The following HRH1 variants were observed in gnomAD, a reference collection of about 807,000 sequenced individuals.
HRH1 encodes histamine H1 receptor.
Under a neutral mutation model 10.3 loss-of-function variants are expected in HRH1, and 6 were observed. That is an observed-to-expected ratio of 0.58 (90% CI 0.32 to 1.15). HRH1 has a LOEUF of 1.15. Ranked by LOEUF, HRH1 falls within the 50% of genes most tolerant of loss-of-function variation. The pLI is 0.05. For missense variants in HRH1, 514 were observed against 615.3 expected (o/e 0.84, Z 1.74); for synonymous variants, 242 against 236.7 (o/e 1.02, Z -0.21).
In HRH1 at chr3:11,138,181, T is replaced by TA. The variant is rs11444304; in HGVS notation, c.-36+782_-36+783insA. 1.9e-4 allele frequency among the ~76,000 whole-genome samples: 3 copies of TA among 16,020 alleles called. No homozygotes were observed. The African/African-American group carries it at 3.1e-3, about 16-fold the overall frequency. The allele number at this position is 16,020 out of a possible 152,430, so 10.5% of individuals were successfully genotyped here. On this transcript the variant is annotated intron_variant, in intron 1 of 1. Transcript: ENST00000438284. Reference sequence around the variant, plus strand: ...CAGGCGCCCGCACCACGTTTGGCTATTTTTTTTTTTTTTTGTATTTTTAGT... The same window carrying TA: ...CAGGCGCCCGCACCACGTTTGGCTATATTTTTTTTTTTTTTGTATTTTTAGT...
At chr3:11,195,349 C>A (rs1937621468) in intron 1 of HRH1, among the ~76,000 whole-genome samples, 1 of 152,182 alleles carries the variant, frequency 6.6e-6, no homozygotes, top group South Asian at 2.1e-4. Context: ...GAGGAGAAAC[C>A]ATAAACAGCT....
At chr3:11,138,963 C>G (rs1936238582) in intron 1 of HRH1, among the ~76,000 whole-genome samples, 1 of 150,798 alleles carries the variant, frequency 6.6e-6, no homozygotes, top group South Asian at 2.1e-4. Flanking sequence ...ATGTGAGCCA[C>G]TGTGCCTGGC....
At chr3:11,190,367 T>A (rs942192293) in intron 1 of HRH1, among the ~76,000 whole-genome samples, 226 of 149,644 alleles carry the variant, frequency 1.5e-3, no homozygotes, top group Middle Eastern at 0.01. Context: ...ATATATATAT[T>A]TTTTAATTAA....
At chr3:11,218,580 A>G (rs1156537652) in intron 1 of HRH1, among the ~76,000 whole-genome samples, 1 of 151,942 alleles carries the variant, frequency 6.6e-6, no homozygotes, top group Non-Finnish European at 1.5e-5. Flanking sequence ...TTTCTCATTT[A>G]TTTATTTATT....
intron 1 of HRH1, among the ~76,000 whole-genome samples, chr3:11,157,609 C>T (rs1233419571): frequency 6.6e-6 from 1 of 152,204 alleles, no homozygotes; most frequent in Non-Finnish European, 1.5e-5. Context: ...CTGATGCTGT[C>T]GGAGGGGGGG....
intron 1 of HRH1, among the ~76,000 whole-genome samples, chr3:11,194,844 C>T (rs1476058731): frequency 6.6e-6 from 1 of 152,170 alleles, no homozygotes; most frequent in African/African-American, 2.4e-5. Flanking sequence ...AAAGTCAGCT[C>T]AGTTTTTAAT....
intron 1 of HRH1, among the ~76,000 whole-genome samples, chr3:11,244,107 A>G (rs755919080): frequency 3.3e-5 from 5 of 152,238 alleles, no homozygotes; most frequent in Non-Finnish European, 7.3e-5. Flanking sequence ...CAGGGACCTC[A>G]AGTCTGTCCC....
upstream of HRH1, chr3:11,154,393 C>T (rs1357775802): frequency 6.6e-6 from 1 of 151,192 alleles, no homozygotes; most frequent in Non-Finnish European, 1.5e-5. This position sits in a 1 kb window ranked among gnomAD's most constrained non-coding sequence, Gnocchi z 4.4. Context: ...GCCCGGGTCC[C>T]CGCCTTCCCC....
Position 11,138,385 on chromosome 3 carries a change from A to G in HRH1, c.-36+986A>G, listed in dbSNP as rs115499403. ...AAAACAACCCAGCCAAAAAATGGGT[A>G]AAGGACTTGAACAGACATTTCTCCA... On this transcript the variant is annotated intron_variant, in intron 1 of 1. Coordinates refer to the HRH1 transcript ENST00000438284. Among the ~76,000 whole-genome samples the G allele has an allele frequency of 6.3e-3, 965 of 152,230 alleles. 7 individuals carry two copies. The highest frequency in any genetic ancestry group is 0.014 in the Middle Eastern group (4 of 294).
chr3:11,218,501 G>A (rs1379200478), intron 1 of HRH1, among the ~76,000 whole-genome samples: 1 of 151,966 alleles, frequency 6.6e-6, no homozygotes, highest in South Asian at 2.1e-4. Flanking sequence ...TTAAAAGTCA[G>A]GACAGTGGTT....
chr3:11,176,466 C>CGTGGG (rs1467651051), intron 1 of HRH1, among the ~76,000 whole-genome samples: 12 of 152,086 alleles, frequency 7.9e-5, no homozygotes, highest in African/African-American at 2.9e-4. Context: ...CCTAGGCTAA[C>CGTGGG]GTGGGGTGGG....
chr3:11,165,125 A>T (rs1937005729), intron 1 of HRH1, among the ~76,000 whole-genome samples: 1 of 152,240 alleles, frequency 6.6e-6, no homozygotes, highest in African/African-American at 2.4e-5. Context: ...AGAGAGGCTA[A>T]GTGACTCGCA....
chr3:11,242,509 A>AAAAT (rs1559283215), intron 1 of HRH1, among the ~76,000 whole-genome samples: 1 of 120,768 alleles, frequency 8.3e-6, no homozygotes, highest in African/African-American at 3.3e-5. Context: ...AAAAAAAAAA[A>AAAAT]GCTGTAACAC....
intron 1 of HRH1, among the ~76,000 whole-genome samples, chr3:11,144,343 A>ATGTGTG (rs1395635818): frequency 4.8e-5 from 2 of 41,558 alleles, no homozygotes; most frequent in African/African-American, 3.1e-4. Context: ...TGTGATATGT[A>ATGTGTG]TATGTGTGTG....
chr3:11,199,731 C>CT (rs1332710132), intron 1 of HRH1, among the ~76,000 whole-genome samples: 1 of 152,184 alleles, frequency 6.6e-6, no homozygotes, highest in African/African-American at 2.4e-5. Context: ...GTTGATGGAT[C>CT]TAAGAGCATG....
chr3:11,195,574 T>C (rs1043633368), intron 1 of HRH1, among the ~76,000 whole-genome samples: 4 of 152,248 alleles, frequency 2.6e-5, no homozygotes, highest in African/African-American at 9.6e-5. Flanking sequence ...GTGACTCTCA[T>C]GACAGTATTG....
chr3:11,258,779 G>A (rs1427614203), intron 1 of HRH1, among the ~76,000 whole-genome samples: 1 of 152,178 alleles, frequency 6.6e-6, no homozygotes, highest in African/African-American at 2.4e-5. Flanking sequence ...TTTGTTCACA[G>A]CTATATTCTC....
At chr3:11,194,994 A>G (rs1029075326) in intron 1 of HRH1, among the ~76,000 whole-genome samples, 1 of 152,154 alleles carries the variant, frequency 6.6e-6, no homozygotes, top group Non-Finnish European at 1.5e-5. Flanking sequence ...TGTGCTTACC[A>G]ATGTTTCTAT....
intron 1 of HRH1, among the ~76,000 whole-genome samples, chr3:11,138,115 A>G (rs932734228): frequency 2.0e-5 from 3 of 151,112 alleles, no homozygotes; most frequent in African/African-American, 7.3e-5. Context: ...TCCCAGGTTC[A>G]CACCATTCTC....
Sources: gnomAD v4.1 joint callset for allele counts (sites outside exome capture counted in the v4.1 genomes callset) on GRCh38, gnomAD v4.1.1 for gene constraint, Gnocchi (gnomAD v3.1) non-coding constraint, MANE v1.5 for transcripts, NCBI Gene and HGNC (gene_info 2026-07-23, HGNC 2026-07-21) for gene names.